Variants in ZNF609 observed in about 807,000 individuals in gnomAD.
ZNF609 encodes the protein zinc finger protein 609.
A neutral mutation model predicts 109.5 loss-of-function variants in ZNF609; 11 were observed. That is an observed-to-expected ratio of 0.10 (90% confidence interval 0.06 to 0.17). The LOEUF is 0.17. Ranked by LOEUF, ZNF609 falls within the 10% of genes least tolerant of loss-of-function variation. The pLI, the probability that ZNF609 is intolerant of heterozygous loss-of-function variation, is 1.00. For synonymous variants in ZNF609, 646 were observed against 662.0 expected (o/e 0.98, Z 0.37); for missense variants, 1,559 against 1,772.4 (o/e 0.88, Z 2.16).
intron 2 of ZNF609, among the ~76,000 whole-genome samples, chr15:64,540,490 C>T (rs544004463): frequency 3.9e-5 from 6 of 151,944 alleles, no homozygotes; most frequent in Admixed American, 2.6e-4. Context: ...TTGCAACCTC[C>T]GCCTCCTGGG....
chr15:64,466,116 CAAAAAAA>C (rs749648623), intron 1 of ZNF609, among the ~76,000 whole-genome samples: 5 of 81,884 alleles, frequency 6.1e-5, no homozygotes, highest in East Asian at 4.1e-4. Context: ...AACCCTGTCT[CAAAAAAA>C]AAAAAAAAAA....
In ZNF609 at chr15:64,561,209, G is replaced by T. The variant is rs115491421; in HGVS notation, c.747+61043G>T. The stretch of plus-strand genomic sequence containing the variant: ...CTTTATCTAACGTGGTACCCTCAGT[G>T]ACTTGTTATCTAACCTATTACTTTG... On this transcript the variant is annotated intron_variant, in intron 2 of 9. Coordinates refer to ENST00000326648, the MANE Select transcript of ZNF609 (RefSeq NM_015042.2). Among the ~76,000 whole-genome samples the T allele has an allele frequency of 2.4e-3, 366 of 152,210 alleles. 2 individuals are homozygous for T. Among genetic ancestry groups the T allele is most frequent in the African/African-American group, 8.5e-3 (353 of 41,520 alleles).
chr15:64,474,780 G>GT (rs1893142681), intron 1 of ZNF609, among the ~76,000 whole-genome samples: 1 of 152,178 alleles, frequency 6.6e-6, no homozygotes, highest in Non-Finnish European at 1.5e-5. Context: ...CTAGAAGAGT[G>GT]TGTGCAAATA....
intron 1 of ZNF609, among the ~76,000 whole-genome samples, chr15:64,481,423 C>T (rs897403955): frequency 4.0e-5 from 6 of 149,538 alleles, no homozygotes; most frequent in African/African-American, 9.9e-5. Flanking sequence ...CAGGTTCAAG[C>T]GATTCTTCTG....
At position 64,674,721 on chromosome 15, in the gene ZNF609, G is replaced by A. The variant is rs1206719539; in HGVS notation, c.1867G>A (p.Ala623Thr). Residue 623 changes from alanine to threonine, a missense_variant, in exon 5 of 10, where the codon GCC becomes ACC. By Grantham distance (58) the Ala-to-Thr change is moderately conservative. Transcript: ENST00000326648. ...AGTGATGGATGAAACAAGCAATGAT[G>A]CCTTTGATTCTTTAGAAAGGAAGTG... ...PSVMDETSND[A>T]FDSLERKCME... 1 of 1,614,078 alleles carries A rather than the reference G, an allele frequency of 6.2e-7. No homozygotes were observed. Among genetic ancestry groups the A allele is most frequent in the South Asian group, 1.1e-5 (1 of 91,090 alleles).
chr15:64,549,128 TTAAAAA>T (rs1399003856), intron 2 of ZNF609, among the ~76,000 whole-genome samples: 12 of 152,328 alleles, frequency 7.9e-5, no homozygotes, highest in African/African-American at 1.9e-4. Flanking sequence ...TAATAAGTAC[TTAAAAA>T]TAAAATAGTA....
At chr15:64,586,491 G>C (rs1422847739) in intron 2 of ZNF609, among the ~76,000 whole-genome samples, 1 of 152,116 alleles carries the variant, frequency 6.6e-6, no homozygotes, top group East Asian at 1.9e-4. Context: ...CCTGAGCTCT[G>C]CCTCCTGTCA....
At chr15:64,584,633 TTTTA>T (rs550690435) in intron 2 of ZNF609, among the ~76,000 whole-genome samples, 475 of 150,452 alleles carry the variant, frequency 3.2e-3, no homozygotes, top group African/African-American at 0.011. Flanking sequence ...TTATGTTTAT[TTTTA>T]TTTCTTTTTT....
At chr15:64,665,591 TAAAC>T (rs1282729173) in intron 3 of ZNF609, among the ~76,000 whole-genome samples, 4 of 152,006 alleles carry the variant, frequency 2.6e-5, no homozygotes, top group East Asian at 1.9e-4. Flanking sequence ...TCTCTATTTT[TAAAC>T]AAACAGAAAA....
intron 2 of ZNF609, among the ~76,000 whole-genome samples, chr15:64,530,357 C>T (rs1448600742): frequency 6.6e-6 from 1 of 152,144 alleles, no homozygotes; most frequent in Non-Finnish European, 1.5e-5. Flanking sequence ...TATTACCTAG[C>T]CTCTGGGCCT....
rs8025656 is a variant in ZNF609, at chr15:64,645,004, T to C, written c.973+21952T>C. Among the ~76,000 whole-genome samples, 597 of 141,492 alleles carry C rather than the reference T, an allele frequency of 4.2e-3. 1 individual carries two copies. The highest frequency in any genetic ancestry group is 0.011 in the Middle Eastern group (3 of 274). 92.8% of individuals were successfully genotyped at this position (141,492 alleles called of 152,430 possible). ...CTTTTTCTTTCTTTCTTTCTTTCTT[T>C]CTTTCTTCCTTCCTTCCTTCCTTCC... On this transcript the variant is annotated intron_variant, in intron 3 of 9. Transcript: ENST00000326648.
chr15:64,638,049 G>A (rs636553), intron 3 of ZNF609, among the ~76,000 whole-genome samples: 108,327 of 140,440 alleles, frequency 0.77, 44,569 homozygotes, highest in East Asian at 0.96. Context: ...ATATATATAT[G>A]TATTTACATC....
intron 2 of ZNF609, among the ~76,000 whole-genome samples, chr15:64,524,026 CT>C (rs1433329379): frequency 6.7e-6 from 1 of 148,308 alleles, no homozygotes; most frequent in Admixed American, 6.7e-5. Context: ...TTTTTTTTTC[CT>C]CATACAGTTT....
chr15:64,621,023 C>T (rs1322176996), intron 2 of ZNF609, among the ~76,000 whole-genome samples: 1 of 152,140 alleles, frequency 6.6e-6, no homozygotes, highest in East Asian at 1.9e-4. Flanking sequence ...AAGGACTAGA[C>T]TAAGAAGTCT....
chr15:64,544,749 C>T (rs770337420), intron 2 of ZNF609, among the ~76,000 whole-genome samples: 16 of 152,186 alleles, frequency 1.1e-4, no homozygotes, highest in Non-Finnish European at 1.9e-4. Context: ...TCTAAGCTGT[C>T]AGCAAGCGAA....
At chr15:64,466,850 T>C (rs192026562) in intron 1 of ZNF609, among the ~76,000 whole-genome samples, 1 of 152,176 alleles carries the variant, frequency 6.6e-6, no homozygotes, top group Non-Finnish European at 1.5e-5. Flanking sequence ...AAGACTTCTC[T>C]AGCAGCTTGG....
At chr15:64,492,533 G>A (rs959577935) in intron 1 of ZNF609, among the ~76,000 whole-genome samples, 1 of 152,062 alleles carries the variant, frequency 6.6e-6, no homozygotes, top group Non-Finnish European at 1.5e-5. Flanking sequence ...TTTTCGAGTT[G>A]TCTTCTTTTT....
In ZNF609 at chr15:64,644,941, A is replaced by G. The variant is rs1004448237; in HGVS notation, c.973+21889A>G. Among the ~76,000 whole-genome samples, 6 of 151,434 alleles carry G rather than the reference A, an allele frequency of 4.0e-5. No individual in the cohort carries two copies. In the East Asian group the frequency reaches 1.2e-3, roughly 29 times the overall value. ...GAGATAATGAGCTATATCTTCTCCT[A>G]AATTTTCTCTCTCTTTCTTTTCTTT... is the stretch of plus-strand genomic sequence containing the variant. On this transcript the variant is annotated intron_variant, in intron 3 of 9. Transcript: ENST00000326648.
intron 2 of ZNF609, among the ~76,000 whole-genome samples, chr15:64,526,188 G>A (rs1198422234): frequency 2.7e-5 from 4 of 150,720 alleles, no homozygotes; most frequent in Non-Finnish European, 5.9e-5. Flanking sequence ...TATTCCTGAG[G>A]ATTTTATTCT....
Sources: allele counts gnomAD v4.1 joint callset (sites outside exome capture counted in the v4.1 genomes callset), GRCh38; gene constraint gnomAD v4.1.1; transcripts MANE v1.5; gene names NCBI Gene and HGNC (gene_info 2026-07-23, HGNC 2026-07-21).